The following MYO7A variants were observed in gnomAD, a reference collection of about 807,000 sequenced individuals.
MYO7A encodes the protein myosin VIIA, also known as unconventional myosin-VIIa.
Under a neutral mutation model 263.8 loss-of-function variants are expected in MYO7A, and 210 were observed. The observed-to-expected ratio is 0.80, with a 90% CI of 0.71 to 0.89. The LOEUF (loss-of-function observed/expected upper bound fraction) is 0.89, where lower values mean the gene tolerates loss of function less well. MYO7A is among the 40% of genes least tolerant of loss of function. The probability of loss-of-function intolerance (pLI) is 0.00; values close to 1 mark genes in which losing one functional copy is unlikely to be tolerated. For synonymous variants in MYO7A, 1,239 were observed against 1,197.3 expected (o/e 1.03, Z -0.72); for missense variants, 2,820 against 2,968.3 (o/e 0.95, Z 1.16).
Position 77,156,878 on chromosome 11 carries a change from G to C in MYO7A, c.609G>C (p.Lys203Asn), listed in dbSNP as rs1555062857. The C allele has an allele frequency of 6.2e-7, 1 of 1,613,848 alleles. No homozygotes were observed. Among genetic ancestry groups the C allele is most frequent in the Admixed American group, 1.7e-5 (1 of 60,018 alleles). The change falls in exon 7 of 49, where the codon AAG becomes AAC. Residue 203 changes from lysine to asparagine, a missense_variant. Lys to Asn is a moderately conservative substitution (Grantham distance 94). Coordinates refer to ENST00000409709, the MANE Select transcript of MYO7A (RefSeq NM_000260.4). Reference sequence around the variant, plus strand: ...ACTCCGCAGCATTTGGGAATGCCAAGACCATCCGCAATGACAACTCAAGCC... The same window carrying C: ...ACTCCGCAGCATTTGGGAATGCCAACACCATCCGCAATGACAACTCAAGCC... ...TPILEAFGNA[K>N]TIRNDNSSRF...
chr11:77,198,632 C>A lies in MYO7A; in HGVS notation c.4568+11C>A. ...CGTGTCCAGCAGCAGGTGAGGAGGC[C>A]CGCATGGAGATGCAGACAGACAGAG... is the stretch of plus-strand genomic sequence containing the variant. On this transcript the variant is annotated intron_variant, in intron 34 of 48. Transcript: ENST00000409709. 1 of 1,613,462 alleles carries A rather than the reference C, an allele frequency of 6.2e-7. No individual in the cohort carries two copies. Among genetic ancestry groups the A allele is most frequent in the South Asian group, 1.1e-5 (1 of 90,994 alleles).
Position 77,182,454 on chromosome 11 carries a change from C to T in MYO7A, c.3139C>T (p.Arg1047Cys), listed in dbSNP as rs782095541. 6.8e-6 allele frequency: 11 copies of T among 1,608,974 alleles called. No homozygotes were observed. Among genetic ancestry groups the T allele is most frequent in the East Asian group, 2.2e-5 (1 of 44,880 alleles). ...CCTGGCGGTCTGGATCACCATCCTCCGCTTCATGGGGGACCTCCCTGAGCC... is the reference window on the plus strand; with the variant it reads ...CCTGGCGGTCTGGATCACCATCCTCTGCTTCATGGGGGACCTCCCTGAGCC... ...AALAVWITIL[R>C]FMGDLPEPKY... Residue 1047 changes from arginine to cysteine, a missense_variant, in exon 25 of 49, where the codon CGC becomes TGC. Coordinates refer to ENST00000409709, the MANE Select transcript of MYO7A (RefSeq NM_000260.4).
chr11:77,175,559 C>A (rs1442379991), intron 18 of MYO7A, 95 bp downstream of exon 18: 3 of 1,123,156 alleles, frequency 2.7e-6, no homozygotes, highest in Non-Finnish European at 4.0e-6. Flanking sequence ...AGTGCTGGGG[C>A]TTTGAGATCC....
chr11:77,188,335 A>T (rs1444946919), intron 27 of MYO7A, among the ~76,000 whole-genome samples: 1 of 152,054 alleles, frequency 6.6e-6, no homozygotes, highest in African/African-American at 2.4e-5. Flanking sequence ...ATTTAAAATT[A>T]CCTTTGTTTT....
chr11:77,129,173 C>T (rs1950691674), intron 1 of MYO7A, among the ~76,000 whole-genome samples: 1 of 152,228 alleles, frequency 6.6e-6, no homozygotes, highest in South Asian at 2.1e-4. Context: ...CCCCAGCCCT[C>T]ATGGCTCATG....
At chr11:77,146,849 G>A (rs1951604198) in intron 3 of MYO7A, among the ~76,000 whole-genome samples, 1 of 152,096 alleles carries the variant, frequency 6.6e-6, no homozygotes. Flanking sequence ...TTGCAAAGGT[G>A]CTGGAGACCC....
At chr11:77,178,295 A>AC (rs1217021518) in intron 19 of MYO7A, among the ~76,000 whole-genome samples, 2 of 108,634 alleles carry the variant, frequency 1.8e-5, no homozygotes, top group African/African-American at 7.3e-5. Context: ...CCACCTATCC[A>AC]CCCACACATT....
Position 77,147,716 on chromosome 11 carries a change from G to T in MYO7A, c.133-82G>T. ...TTACCCGGGTTGGCACTCACCCCGC[G>T]CTCCCGCCCGTCCCGGCCCCTTCCC... On this transcript the variant is annotated intron_variant, in intron 3 of 48. Transcript: ENST00000409709. 2.6e-6 allele frequency: 4 copies of T among 1,555,902 alleles called. No individual in the cohort carries two copies. In the African/African-American group the frequency reaches 4.1e-5, roughly 16 times the overall value.
In MYO7A at chr11:77,201,510, A is replaced by T. The variant is rs1419814921; in HGVS notation, c.4915A>T (p.Thr1639Ser). 1.2e-6 allele frequency: 2 copies of T among 1,613,782 alleles called. No homozygotes were observed. Among genetic ancestry groups the T allele is most frequent in the African/African-American group, 1.3e-5 (1 of 74,902 alleles). ...AGACCTCATCATCCTGGACCATGAC[A>T]CGGGCGAGCAGGTCATGAACTCGGG... ...KGDLIILDHD[T>S]GEQVMNSGWA... Residue 1639 changes from threonine (T) to serine (S), a missense_variant, in exon 36 of 49, where the codon ACG becomes TCG. Physicochemically the swap from Thr to Ser is moderately conservative, Grantham distance 58. Transcript: ENST00000409709.
intron 16 of MYO7A, among the ~76,000 whole-genome samples, chr11:77,173,353 G>A (rs1392853619): frequency 4.6e-5 from 7 of 152,220 alleles, no homozygotes; most frequent in Non-Finnish European, 1.5e-5. Context: ...CCTCCTGGAA[G>A]CCTCCCCCAT....
chr11:77,211,438 G>A, intron 45 of MYO7A, 101 bp downstream of exon 45: 11 of 1,303,984 alleles, frequency 8.4e-6, no homozygotes, highest in South Asian at 1.5e-5. Context: ...CCAGGGAGGT[G>A]CATCTTGTGG....
At chr11:77,151,935 C>T (rs1333867382) in intron 4 of MYO7A, among the ~76,000 whole-genome samples, 2 of 152,150 alleles carry the variant, frequency 1.3e-5, no homozygotes, top group Non-Finnish European at 2.9e-5. Flanking sequence ...CAGGGTGTCT[C>T]GTTCACCCTA....
intron 3 of MYO7A, among the ~76,000 whole-genome samples, chr11:77,145,317 C>A (rs1951487587): frequency 6.6e-6 from 1 of 152,186 alleles, no homozygotes; most frequent in Non-Finnish European, 1.5e-5. Context: ...ATCCATCAGT[C>A]CTCCCAAAAC....
At chr11:77,202,817 G>A (rs1436282575) in intron 37 of MYO7A, among the ~76,000 whole-genome samples, 1 of 152,058 alleles carries the variant, frequency 6.6e-6, no homozygotes, top group East Asian at 1.9e-4. Flanking sequence ...CAGGGTGGTG[G>A]GGGAGGCTGG....
chr11:77,130,732 C>CTGGGGAGGGTG, intron 2 of MYO7A, 80 bp downstream of exon 2: 1 of 1,494,336 alleles, frequency 6.7e-7, no homozygotes. Flanking sequence ...GTGGGACACC[C>CTGGGGAGGGTG]TCCCCAGGGT....
At position 77,201,570 on chromosome 11, in the gene MYO7A, C is replaced by T. The variant is rs375061307; in HGVS notation, c.4975C>T (p.Arg1659Cys). The change falls in exon 36 of 49, where the codon CGT becomes TGT. Residue 1659 changes from arginine to cysteine, a missense_variant. Physicochemically the swap from Arg to Cys is radical, Grantham distance 180. Coordinates refer to ENST00000409709, the MANE Select transcript of MYO7A (RefSeq NM_000260.4). ...CGGCATCAATGAGAGGACCAAGCAG[C>T]GTGGGGACTTCCCCACCGACAGTGT... ...ANGINERTKQ[R>C]GDFPTDSVYV... 9.9e-6 allele frequency: 16 copies of T among 1,613,744 alleles called. No homozygotes were observed. Among genetic ancestry groups the T allele is most frequent in the South Asian group, 4.4e-5 (4 of 91,088 alleles).
Position 77,156,541 on chromosome 11 carries a change from G to A in MYO7A, c.471-119G>A, listed in dbSNP as rs370341181. ...GCCCTGCCCCAGCCCTGGAGGGTCC[G>A]TATTGTCAGCTGATATTACAGATGG... On this transcript the variant is annotated intron_variant, in intron 5 of 48. Coordinates refer to ENST00000409709, the MANE Select transcript of MYO7A (RefSeq NM_000260.4). 100 of 1,443,138 alleles carry A rather than the reference G, an allele frequency of 6.9e-5. 1 individual carries two copies. In the African/African-American group the frequency reaches 1.0e-3, roughly 15 times the overall value. The allele number at this position is 1,443,138 out of a possible 1,614,324, so 89.4% of individuals were successfully genotyped here.
chr11:77,209,846 C>G (rs929697900), intron 44 of MYO7A, among the ~76,000 whole-genome samples: 1 of 152,182 alleles, frequency 6.6e-6, no homozygotes, highest in Non-Finnish European at 1.5e-5. Context: ...ATTCCCCTTG[C>G]TCGTAGGGCA....
At chr11:77,132,105 G>A (rs1313582632) in intron 2 of MYO7A, among the ~76,000 whole-genome samples, 1 of 151,606 alleles carries the variant, frequency 6.6e-6, no homozygotes, top group Non-Finnish European at 1.5e-5. Flanking sequence ...CTCTCTTCCT[G>A]CCACATCCTT....
Sources: gnomAD v4.1 joint callset for allele counts (sites outside exome capture counted in the v4.1 genomes callset) on GRCh38, gnomAD v4.1.1 for gene constraint, MANE v1.5 for transcripts, NCBI Gene and HGNC (gene_info 2026-07-23, HGNC 2026-07-21) for gene names.